The following ASTN2 variants were observed in gnomAD, a reference collection of about 807,000 sequenced individuals.
ASTN2 encodes the protein astrotactin 2, also known as astrotactin-2.
ASTN2 carries 54 observed loss-of-function variants against 139.8 expected under a neutral mutation model. The observed-to-expected ratio is 0.39, with a 90% CI of 0.31 to 0.48. The LOEUF (loss-of-function observed/expected upper bound fraction) is 0.48, where lower values mean the gene tolerates loss of function less well. Ranked by LOEUF, ASTN2 falls within the 20% of genes least tolerant of loss-of-function variation. ASTN2 has a pLI of 0.95. For missense variants in ASTN2, 1,565 were observed against 1,725.1 expected, an observed-to-expected ratio of 0.91 and a Z score of 1.64; for synonymous variants, 756 against 719.5, an observed-to-expected ratio of 1.05 and a Z score of -0.81.
At chr9:116,855,855 A>G (rs903546140) in intron 11 of ASTN2, among the ~76,000 whole-genome samples, 5 of 152,232 alleles carry the variant, frequency 3.3e-5, no homozygotes, top group African/African-American at 9.7e-5. Context: ...GGCCAGGCAC[A>G]TAATTAGTAC....
intron 22 of ASTN2, among the ~76,000 whole-genome samples, chr9:116,430,209 C>T (rs982608225): frequency 1.3e-5 from 2 of 152,174 alleles, no homozygotes; most frequent in African/African-American, 4.8e-5. Context: ...TGCCCTTCTT[C>T]CAAAGGAACA....
At chr9:116,518,735 A>G (rs938577840) in intron 19 of ASTN2, among the ~76,000 whole-genome samples, 47 of 152,208 alleles carry the variant, frequency 3.1e-4, no homozygotes, top group African/African-American at 1.0e-3. Context: ...CAAAATGGAT[A>G]AGAATTCACC....
At chr9:116,700,113 T>C in intron 16 of ASTN2, 1 of 266,936 alleles carries the variant, frequency 3.7e-6, no homozygotes, top group South Asian at 5.5e-5. Context: ...GTGCTTCATC[T>C]GTGACACTTT....
intron 1 of ASTN2, among the ~76,000 whole-genome samples, chr9:117,407,047 A>T (rs1329299747): frequency 6.6e-6 from 1 of 152,160 alleles, no homozygotes; most frequent in Non-Finnish European, 1.5e-5. Flanking sequence ...CTTTATTGAT[A>T]GTGGGCACCA....
chr9:117,301,441 C>T (rs1834872970), intron 1 of ASTN2, among the ~76,000 whole-genome samples: 2 of 152,160 alleles, frequency 1.3e-5, no homozygotes, highest in Non-Finnish European at 1.5e-5. Context: ...GCATTTAGCC[C>T]TCATAGGAAA....
intron 3 of ASTN2, among the ~76,000 whole-genome samples, chr9:117,164,410 T>C (rs1287420835): frequency 6.6e-6 from 1 of 152,024 alleles, no homozygotes; most frequent in Non-Finnish European, 1.5e-5. Context: ...TGGGTGTAAA[T>C]GAAAAGTGAA....
intron 4 of ASTN2, among the ~76,000 whole-genome samples, chr9:117,134,297 C>A (rs2021154): frequency 6.1e-5 from 3 of 49,536 alleles, no homozygotes; most frequent in African/African-American, 2.3e-4. Context: ...TATATATATA[C>A]ACACACACAC....
intron 1 of ASTN2, among the ~76,000 whole-genome samples, chr9:117,325,491 G>A (rs1828484325): frequency 6.6e-6 from 1 of 152,062 alleles, no homozygotes; most frequent in African/African-American, 2.4e-5. Flanking sequence ...GGACACCTGG[G>A]CTTGAAACCC....
chr9:117,313,569 A>G (rs1397957362), intron 1 of ASTN2, among the ~76,000 whole-genome samples: 1 of 152,186 alleles, frequency 6.6e-6, no homozygotes, highest in Non-Finnish European at 1.5e-5. Context: ...AAGAATGGAC[A>G]GGTGTTTACC....
intron 1 of ASTN2, among the ~76,000 whole-genome samples, chr9:117,378,445 C>T (rs1019534547): frequency 1.3e-5 from 2 of 152,188 alleles, no homozygotes; most frequent in African/African-American, 2.4e-5. Context: ...TGGCCTGTGG[C>T]CTCGGCCAAG....
chr9:116,802,089 T>G (rs1242971029), intron 13 of ASTN2, among the ~76,000 whole-genome samples: 1 of 32,986 alleles, frequency 3.0e-5, no homozygotes, highest in South Asian at 8.1e-4. Context: ...CTTTCTTTTT[T>G]TTTTTTTTTT....
At chr9:116,853,171 G>A (rs1440976683) in intron 11 of ASTN2, among the ~76,000 whole-genome samples, 4 of 152,102 alleles carry the variant, frequency 2.6e-5, no homozygotes, top group Admixed American at 2.0e-4. Context: ...TTTATCTAAA[G>A]TGGGTGAGTA....
intron 4 of ASTN2, among the ~76,000 whole-genome samples, chr9:117,126,592 T>C (rs984877654): frequency 2.0e-5 from 3 of 152,232 alleles, no homozygotes; most frequent in Admixed American, 6.5e-5. Context: ...TTGAGATTCA[T>C]TCCTCCTATA....
At chr9:116,869,299 A>G (rs1417919543) in intron 10 of ASTN2, among the ~76,000 whole-genome samples, 2 of 152,236 alleles carry the variant, frequency 1.3e-5, no homozygotes, top group African/African-American at 4.8e-5. Context: ...AAATAAGGCC[A>G]CGTTCTGAAT....
intron 11 of ASTN2, among the ~76,000 whole-genome samples, chr9:116,854,537 G>A (rs1035084808): frequency 3.9e-5 from 6 of 152,112 alleles, no homozygotes; most frequent in Non-Finnish European, 8.8e-5. Context: ...AGTAGGGGAT[G>A]GTAGTGGGAG....
chr9:117,267,058 C>T (rs1438372164), intron 2 of ASTN2, among the ~76,000 whole-genome samples: 1 of 152,122 alleles, frequency 6.6e-6, no homozygotes, highest in African/African-American at 2.4e-5. Context: ...CATAATTAGT[C>T]GGTTGATACC....
chr9:117,020,781 C>T lies in ASTN2; in HGVS notation c.1424-12522G>A, dbSNP rs534398690. On this transcript the variant is annotated intron_variant, in intron 6 of 22. Transcript: ENST00000313400. ...TTTAAAATGGCATCTCTAAGCACAG[C>T]GTTTGGCCCTTAGCGTGCAATCAGT... Among the ~76,000 whole-genome samples the T allele has an allele frequency of 1.8e-4, 28 of 152,228 alleles. 1 individual carries two copies. Among genetic ancestry groups the T allele is most frequent in the Middle Eastern group, 6.8e-3 (2 of 294 alleles).
chr9:116,791,208 C>A (rs555220412), intron 13 of ASTN2, among the ~76,000 whole-genome samples: 1 of 152,162 alleles, frequency 6.6e-6, no homozygotes, highest in Non-Finnish European at 1.5e-5. Flanking sequence ...AATAAAAACT[C>A]GTTAACTCAC....
intron 10 of ASTN2, among the ~76,000 whole-genome samples, chr9:116,901,257 G>A (rs768732625): frequency 6.6e-6 from 1 of 152,152 alleles, no homozygotes; most frequent in East Asian, 1.9e-4. Context: ...GGGTGCAGTG[G>A]CTTACACCCA....
Sources: allele counts gnomAD v4.1 joint callset (sites outside exome capture counted in the v4.1 genomes callset), GRCh38; gene constraint gnomAD v4.1.1; transcripts MANE v1.5; gene names NCBI Gene and HGNC (gene_info 2026-07-23, HGNC 2026-07-21).